Variants in FAM114A2 observed in about 807,000 individuals in gnomAD.
FAM114A2 encodes the protein protein FAM114A2.
FAM114A2 carries 53 observed loss-of-function variants against 58.4 expected under a neutral mutation model. That is an observed-to-expected ratio of 0.91 (90% confidence interval 0.73 to 1.14). FAM114A2 has a LOEUF of 1.14. Ranked by LOEUF, FAM114A2 falls within the 50% of genes most tolerant of loss-of-function variation. The pLI, the probability that FAM114A2 is intolerant of heterozygous loss-of-function variation, is 0.00. For missense variants in FAM114A2, 601 were observed against 581.1 expected, an observed-to-expected ratio of 1.03 and a Z score of -0.35; for synonymous variants, 228 against 211.4, an observed-to-expected ratio of 1.08 and a Z score of -0.68.
At chr5:153,997,017 A>G (rs2113182929) in intron 12 of FAM114A2, among the ~76,000 whole-genome samples, 1 of 151,780 alleles carries the variant, frequency 6.6e-6, no homozygotes, top group Middle Eastern at 3.4e-3. Context: ...AAAAGAAAGA[A>G]AGAAAAAAAG....
At chr5:153,999,542 A>ATT (rs1769828598) in intron 11 of FAM114A2, among the ~76,000 whole-genome samples, 1 of 151,774 alleles carries the variant, frequency 6.6e-6, no homozygotes, top group Admixed American at 6.6e-5. Context: ...GCGGAGGCAG[A>ATT]AGAATCACTT....
At chr5:154,002,462 A>C in intron 10 of FAM114A2, 72 bp from the exon 11 acceptor site, 27 of 1,470,842 alleles carry the variant, frequency 1.8e-5, no homozygotes, top group Non-Finnish European at 2.5e-5. Flanking sequence ...TACTTCTCTC[A>C]TACTACAGGA....
At chr5:154,028,713 C>T (rs1483109253) in intron 5 of FAM114A2, among the ~76,000 whole-genome samples, 1 of 152,154 alleles carries the variant, frequency 6.6e-6, no homozygotes, top group East Asian at 1.9e-4. Context: ...CAAACTGCAG[C>T]ATAGGTAAAT....
intron 12 of FAM114A2, among the ~76,000 whole-genome samples, chr5:153,997,108 CAAT>C (rs1769618715): frequency 6.7e-6 from 1 of 149,990 alleles, no homozygotes; most frequent in South Asian, 2.1e-4. Flanking sequence ...TAAAAACAAA[CAAT>C]AAGTATTAGC....
intron 9 of FAM114A2, among the ~76,000 whole-genome samples, chr5:154,009,150 A>G (rs1460188398): frequency 6.6e-6 from 1 of 152,154 alleles, no homozygotes; most frequent in Non-Finnish European, 1.5e-5. Context: ...ACCAAAAGGG[A>G]ATGAATCATG....
chr5:154,021,292 G>C (rs1353722458), intron 8 of FAM114A2, among the ~76,000 whole-genome samples: 1 of 152,106 alleles, frequency 6.6e-6, no homozygotes, highest in Non-Finnish European at 1.5e-5. Flanking sequence ...GGAAGTTCTG[G>C]CCAGGGCACT....
At chr5:154,000,698 C>T (rs1375615050) in intron 11 of FAM114A2, among the ~76,000 whole-genome samples, 1 of 152,088 alleles carries the variant, frequency 6.6e-6, no homozygotes, top group Non-Finnish European at 1.5e-5. Flanking sequence ...TGAGCAGGCA[C>T]TCATGCTACA....
intron 11 of FAM114A2, among the ~76,000 whole-genome samples, chr5:154,001,936 A>G (rs1310616682): frequency 6.6e-6 from 1 of 152,178 alleles, no homozygotes; most frequent in African/African-American, 2.4e-5. Context: ...GCACTCAATA[A>G]TAACTATTAT....
intron 7 of FAM114A2, 129 bp from the exon 8 acceptor site, chr5:154,026,651 T>G: frequency 1.9e-6 from 1 of 523,530 alleles, no homozygotes; most frequent in Non-Finnish European, 3.0e-6. Context: ...GCACAAGTTA[T>G]TCCTTAAGAA....
chr5:154,011,466 G>A (rs1191121866), intron 8 of FAM114A2, 146 bp from the exon 9 acceptor site: 9 of 586,462 alleles, frequency 1.5e-5, no homozygotes, highest in Non-Finnish European at 2.4e-5. Flanking sequence ...ACATGAGCAT[G>A]GTGCTTTAGT....
chr5:154,009,241 A>G (rs1770542513), intron 9 of FAM114A2, among the ~76,000 whole-genome samples: 1 of 152,182 alleles, frequency 6.6e-6, no homozygotes, highest in South Asian at 2.1e-4. Flanking sequence ...TATGCCAGAA[A>G]ATAAGGAAGC....
chr5:153,992,473 T>G lies in FAM114A2; in HGVS notation c.*503A>C, dbSNP rs1054421279. 1 of 152,268 alleles carries G rather than the reference T, an allele frequency of 6.6e-6. No individual in the cohort carries two copies. 9.4% of individuals were successfully genotyped at this position (152,268 alleles called of 1,614,324 possible). A position where few individuals can be genotyped will look rare whatever the true frequency, so the allele number is the denominator to read the frequency against. On this transcript the variant is annotated 3_prime_UTR_variant, in exon 14 of 14. Coordinates refer to ENST00000351797, the MANE Select transcript of FAM114A2 (RefSeq NM_018691.4). The stretch of plus-strand genomic sequence containing the variant: ...CAAGAATTCATGTGATAAAGGGTAA[T>G]CATCACAGAGTTTACATATGCTCAG...
At chr5:154,000,468 T>TAC (rs1769902660) in intron 11 of FAM114A2, among the ~76,000 whole-genome samples, 1 of 151,788 alleles carries the variant, frequency 6.6e-6, no homozygotes, top group Admixed American at 6.6e-5. Context: ...ACCCCATATA[T>TAC]ATATATTATG....
chr5:154,033,660 T>G (rs1190113801), intron 4 of FAM114A2, 131 bp downstream of exon 4: 2 of 596,738 alleles, frequency 3.4e-6, no homozygotes, highest in Admixed American at 6.7e-5. Flanking sequence ...CTAAAGATTC[T>G]AAATACTCTT....
chr5:154,034,455 G>A, intron 2 of FAM114A2, 78 bp from the exon 3 acceptor site: 1 of 861,190 alleles, frequency 1.2e-6, no homozygotes. Context: ...GTACAGACAA[G>A]GTATCTAATT....
chr5:154,036,669 A>G (rs1177552859), intron 1 of FAM114A2: 5 of 143,654 alleles, frequency 3.5e-5, no homozygotes, highest in Admixed American at 6.8e-5. Context: ...CAAAATGCTG[A>G]AAAAAAACAG....
In FAM114A2 at chr5:154,020,517, C is replaced by G. The variant is rs1008618541; in HGVS notation, c.913+5882G>C. Among the ~76,000 whole-genome samples the G allele has an allele frequency of 2.6e-5, 4 of 152,242 alleles. No homozygotes were observed. In the East Asian group the frequency reaches 7.7e-4, roughly 29 times the overall value. The stretch of plus-strand genomic sequence containing the variant: ...CTACCATCAGAGAATACTATCAACA[C>G]CTCTACACAAATAAACTAGAAAATC... On this transcript the variant is annotated intron_variant, in intron 8 of 13. Coordinates refer to ENST00000351797, the MANE Select transcript of FAM114A2 (RefSeq NM_018691.4).
chr5:154,027,297 G>A lies in FAM114A2; in HGVS notation c.668C>T (p.Thr223Ile). 1 of 1,613,196 alleles carries A rather than the reference G, an allele frequency of 6.2e-7. No homozygotes were observed. Among genetic ancestry groups the A allele is most frequent in the Non-Finnish European group, 8.5e-7 (1 of 1,179,586 alleles). Residue 223 changes from threonine to isoleucine, a missense_variant, in exon 7 of 14, where the codon ACC becomes ATC. Transcript: ENST00000351797. ...REAKEKEEIR[T>I]SNEVTVETDK... The stretch of plus-strand genomic sequence containing the variant: ...TGTTTCCACGGTAACCTCATTGGAG[G>A]TCCGTATCTCTTCTTTCTCCTTCGC...
At chr5:154,026,311 A>AT (rs1771767526) in intron 8 of FAM114A2, 88 bp downstream of exon 8, 3 of 1,011,594 alleles carry the variant, frequency 3.0e-6, no homozygotes, top group East Asian at 3.0e-5. Context: ...AGCCAGTGTA[A>AT]TAAGAGTAAA....
Sources: allele counts gnomAD v4.1 joint callset (sites outside exome capture counted in the v4.1 genomes callset), GRCh38; gene constraint gnomAD v4.1.1; transcripts MANE v1.5; gene names NCBI Gene and HGNC (gene_info 2026-07-23, HGNC 2026-07-21).